Variants in UST observed in about 807,000 individuals in gnomAD.
UST encodes uronyl 2-sulfotransferase.
In UST, 21 loss-of-function variants were observed where a neutral mutation model predicts 45.6. The ratio of observed to expected loss-of-function variants is 0.46; its 90% CI spans 0.33 to 0.66. The LOEUF (loss-of-function observed/expected upper bound fraction) is 0.66. Ranked by LOEUF, UST falls within the 30% of genes least tolerant of loss-of-function variation. The probability of loss-of-function intolerance (pLI) is 0.02; values close to 1 mark genes in which losing one functional copy is unlikely to be tolerated. For missense variants in UST, 463 were observed against 512.4 expected (o/e 0.90, Z 0.93); for synonymous variants, 215 against 200.6 (o/e 1.07, Z -0.61).
intron 2 of UST, among the ~76,000 whole-genome samples, chr6:148,925,513 T>C (rs1403575541): frequency 6.6e-6 from 1 of 152,234 alleles, no homozygotes; most frequent in Non-Finnish European, 1.5e-5. Context: ...AGGTTGCCAA[T>C]GTGTAGGTTG....
Position 149,074,793 on chromosome 6 carries a change from A to T in UST, c.*677A>T, listed in dbSNP as rs1776868542. 6.6e-6 allele frequency: 1 copy of T among 151,888 alleles called. No individual in the cohort carries two copies. The highest frequency in any genetic ancestry group is 2.1e-4 in the South Asian group (1 of 4,792). 9.4% of individuals were successfully genotyped at this position (151,888 alleles called of 1,614,324 possible). A position where few individuals can be genotyped will look rare whatever the true frequency, so the allele number is the denominator to read the frequency against. ...CCATGGGTAAGTGGTTTCTACCCGC[A>T]TGGGTAGAGTTCTGCCTCTGGTCCT... is the stretch of plus-strand genomic sequence containing the variant. On this transcript the variant is annotated 3_prime_UTR_variant, in exon 8 of 8. Coordinates refer to ENST00000367463, the MANE Select transcript of UST (RefSeq NM_005715.3).
At chr6:148,931,802 A>T (rs1779926306) in intron 2 of UST, among the ~76,000 whole-genome samples, 1 of 152,208 alleles carries the variant, frequency 6.6e-6, no homozygotes, top group African/African-American at 2.4e-5. Context: ...GGGTTTCTCC[A>T]CTTAATTTTG....
At chr6:148,776,001 G>T (rs1220841065) in intron 1 of UST, among the ~76,000 whole-genome samples, 1 of 152,106 alleles carries the variant, frequency 6.6e-6, no homozygotes, top group Non-Finnish European at 1.5e-5. Flanking sequence ...TATTGCTATT[G>T]TTTTATAACT....
chr6:148,894,023 A>G (rs1308113222), intron 2 of UST, among the ~76,000 whole-genome samples: 2 of 152,096 alleles, frequency 1.3e-5, no homozygotes, highest in South Asian at 2.1e-4. Flanking sequence ...TGTCTCTTCA[A>G]AAAAAAGTCT....
At chr6:148,847,486 C>T (rs1778014153) in intron 1 of UST, among the ~76,000 whole-genome samples, 1 of 152,226 alleles carries the variant, frequency 6.6e-6, no homozygotes, top group African/African-American at 2.4e-5. Context: ...TCAGGCCTGA[C>T]ATAAGATGTT....
At chr6:148,867,088 C>T (rs189427248) in intron 1 of UST, among the ~76,000 whole-genome samples, 1 of 152,250 alleles carries the variant, frequency 6.6e-6, no homozygotes, top group Admixed American at 6.5e-5. Context: ...CAGACAATCT[C>T]ACATCCACGT....
chr6:149,039,303 C>T (rs778104997), intron 7 of UST, among the ~76,000 whole-genome samples: 16 of 152,100 alleles, frequency 1.1e-4, no homozygotes, highest in Non-Finnish European at 2.4e-4. Context: ...CTTGACTCAC[C>T]GCAACCTTCG....
chr6:148,914,431 CTG>C (rs966325009), intron 2 of UST, among the ~76,000 whole-genome samples: 1 of 152,158 alleles, frequency 6.6e-6, no homozygotes, highest in African/African-American at 2.4e-5. Flanking sequence ...CAGGATGAAA[CTG>C]TTCCACCTCA....
chr6:148,949,429 A>T (rs13216305), intron 3 of UST, among the ~76,000 whole-genome samples: 2 of 59,090 alleles, frequency 3.4e-5, no homozygotes, highest in South Asian at 7.3e-4. Flanking sequence ...TAATAATAAT[A>T]ATAATATTAC....
In UST at chr6:148,936,835, A is replaced by G. The variant is rs1010663726; in HGVS notation, c.292-4444A>G. Among the ~76,000 whole-genome samples, 4 of 152,072 alleles carry G rather than the reference A, an allele frequency of 2.6e-5. No individual in the cohort carries two copies. The South Asian group carries it at 8.3e-4, about 32-fold the overall frequency. On this transcript the variant is annotated intron_variant, in intron 2 of 7. Transcript: ENST00000367463. ...CTCAGCCTCCTGAGTAGCTGGGACT[A>G]CAGGCACCTGCCACCACTCCTAGCT...
intron 7 of UST, among the ~76,000 whole-genome samples, chr6:149,067,185 T>G (rs1010222651): frequency 1.3e-5 from 2 of 152,224 alleles, no homozygotes; most frequent in African/African-American, 4.8e-5. Context: ...AACGTTCATC[T>G]GAGCTCTGAG....
intron 5 of UST, among the ~76,000 whole-genome samples, chr6:148,984,288 T>G (rs991569017): frequency 1.3e-5 from 2 of 152,104 alleles, no homozygotes; most frequent in African/African-American, 2.4e-5. Context: ...AAACAGACAT[T>G]AAACAAGTAT....
At chr6:149,068,520 T>C (rs761787987) in intron 7 of UST, among the ~76,000 whole-genome samples, 1 of 152,238 alleles carries the variant, frequency 6.6e-6, no homozygotes, top group Non-Finnish European at 1.5e-5. Context: ...CAGCCAGGAC[T>C]GTCACCATCT....
chr6:148,897,147 A>C (rs1779146644), intron 2 of UST, among the ~76,000 whole-genome samples: 1 of 151,728 alleles, frequency 6.6e-6, no homozygotes, highest in Non-Finnish European at 1.5e-5. Flanking sequence ...TTGGAGTTTT[A>C]CTTTTATTTT....
chr6:148,923,442 C>T (rs1054715748), intron 2 of UST, among the ~76,000 whole-genome samples: 13 of 152,154 alleles, frequency 8.5e-5, no homozygotes, highest in Non-Finnish European at 1.8e-4. Context: ...CAACATTTGT[C>T]ATTGTTCATC....
chr6:148,950,746 A>C (rs1312359149), intron 3 of UST, among the ~76,000 whole-genome samples: 1 of 152,146 alleles, frequency 6.6e-6, no homozygotes, highest in African/African-American at 2.4e-5. Context: ...TTACCTCTCC[A>C]TCTGAATGTA....
chr6:148,852,125 C>T (rs567220905), intron 1 of UST, among the ~76,000 whole-genome samples: 28 of 152,176 alleles, frequency 1.8e-4, no homozygotes, highest in Non-Finnish European at 3.8e-4. Flanking sequence ...TTACCTGCAC[C>T]CATGGTTGTG....
At chr6:148,814,965 T>C (rs549535324) in intron 1 of UST, among the ~76,000 whole-genome samples, 1 of 152,300 alleles carries the variant, frequency 6.6e-6, no homozygotes, top group East Asian at 1.9e-4. Flanking sequence ...TGTGTGTGCA[T>C]ATGTGAATGA....
chr6:148,887,985 G>A (rs904738957), intron 2 of UST, among the ~76,000 whole-genome samples: 28 of 152,318 alleles, frequency 1.8e-4, no homozygotes, highest in African/African-American at 6.3e-4. Context: ...CCCAACCTTA[G>A]AGGCTTTGGG....
Sources: gnomAD v4.1 joint callset for allele counts (sites outside exome capture counted in the v4.1 genomes callset) on GRCh38, gnomAD v4.1.1 for gene constraint, MANE v1.5 for transcripts, NCBI Gene and HGNC (gene_info 2026-07-23, HGNC 2026-07-21) for gene names.